The following IQGAP1 variants were observed in gnomAD, a reference collection of about 807,000 sequenced individuals.
IQGAP1 encodes IQ motif containing GTPase activating protein 1, also known as ras GTPase-activating-like protein IQGAP1.
Under a neutral mutation model 215.6 loss-of-function variants are expected in IQGAP1, and 66 were observed. That is an observed-to-expected ratio of 0.31 (90% CI 0.25 to 0.38). The LOEUF is 0.38. Ranked by LOEUF, IQGAP1 falls within the 10% of genes least tolerant of loss-of-function variation. IQGAP1 has a pLI of 1.00. For missense variants in IQGAP1, 1,712 were observed against 1,997.1 expected (o/e 0.86, Z 2.72); for synonymous variants, 772 against 728.7 (o/e 1.06, Z -0.96).
At chr15:90,486,839 G>A in intron 31 of IQGAP1, 115 bp from the exon 32 acceptor site, 1 of 1,035,664 alleles carries the variant, frequency 9.7e-7, no homozygotes, top group Non-Finnish European at 1.4e-6. Flanking sequence ...CACACTGTAT[G>A]TGTTAGGTGA....
chr15:90,444,289 A>ATATAT (rs1555437805), intron 9 of IQGAP1, among the ~76,000 whole-genome samples: 3 of 117,416 alleles, frequency 2.6e-5, no homozygotes, highest in African/African-American at 7.3e-5. Flanking sequence ...GTATATATAT[A>ATATAT]TTTTTTTTTT....
intron 17 of IQGAP1, among the ~76,000 whole-genome samples, chr15:90,467,089 C>G (rs773381726): frequency 9.3e-5 from 14 of 151,100 alleles, no homozygotes; most frequent in Non-Finnish European, 2.1e-4. Context: ...AAGACTCTGT[C>G]TGAAAAAAAA....
chr15:90,491,438 C>T lies in IQGAP1; in HGVS notation c.4354C>T (p.Leu1452Phe). 6.2e-7 allele frequency: 1 copy of T among 1,614,108 alleles called. No homozygotes were observed. The highest frequency in any genetic ancestry group is 8.5e-7 in the Non-Finnish European group (1 of 1,180,000). The change falls in exon 34 of 38, where the codon CTT becomes TTT. Residue 1452 changes from leucine (L) to phenylalanine (F), a missense_variant. Leu to Phe is a conservative substitution (Grantham distance 22). Coordinates refer to ENST00000268182, the MANE Select transcript of IQGAP1 (RefSeq NM_003870.4). ...KSVKEDSNLT[L>F]QEKKEKIQTG... ...TGTAAAGGAAGACAGCAACCTCACT[C>T]TTCAAGAGAAGAAAGAGAAGATCCA...
intron 3 of IQGAP1, 102 bp downstream of exon 3, chr15:90,426,368 T>C (rs1048251342): frequency 7.7e-7 from 1 of 1,298,084 alleles, no homozygotes; most frequent in Admixed American, 2.6e-5. Flanking sequence ...TAAGGTGTGT[T>C]TGTTGCAACA....
chr15:90,451,530 C>G (rs971520581), intron 11 of IQGAP1, among the ~76,000 whole-genome samples: 2 of 152,132 alleles, frequency 1.3e-5, no homozygotes, highest in Non-Finnish European at 2.9e-5. Context: ...ATGAGAATGG[C>G]ACAAAGCCGT....
At chr15:90,481,788 C>G (rs1033626123) in intron 26 of IQGAP1, among the ~76,000 whole-genome samples, 172 bp from the exon 27 acceptor site, 28 of 152,244 alleles carry the variant, frequency 1.8e-4, no homozygotes, top group African/African-American at 6.0e-4. Context: ...ACCTGATTCA[C>G]AGTTAAAAAC....
At chr15:90,392,576 G>A (rs1964649772) in intron 2 of IQGAP1, among the ~76,000 whole-genome samples, 1 of 151,978 alleles carries the variant, frequency 6.6e-6, no homozygotes, top group African/African-American at 2.4e-5. Flanking sequence ...TGAATTTCTT[G>A]AATAAAATTC....
chr15:90,419,717 AG>A (rs1479432154), intron 2 of IQGAP1, among the ~76,000 whole-genome samples: 1 of 152,236 alleles, frequency 6.6e-6, no homozygotes, highest in Non-Finnish European at 1.5e-5. Context: ...AAAGTTTAGC[AG>A]CTCTATATTC....
At chr15:90,415,623 C>CA (rs1447750824) in intron 2 of IQGAP1, among the ~76,000 whole-genome samples, 1 of 152,314 alleles carries the variant, frequency 6.6e-6, no homozygotes, top group East Asian at 1.9e-4. Context: ...CCTGCCTTTT[C>CA]AGTCATCTGT....
intron 4 of IQGAP1, among the ~76,000 whole-genome samples, chr15:90,431,657 A>G (rs888174714): frequency 6.7e-6 from 1 of 149,612 alleles, no homozygotes; most frequent in Non-Finnish European, 1.5e-5. Flanking sequence ...CTTGATAATC[A>G]TGGCTGTAAG....
intron 35 of IQGAP1, among the ~76,000 whole-genome samples, chr15:90,493,844 T>C (rs996880484): frequency 6.6e-6 from 1 of 152,226 alleles, no homozygotes; most frequent in African/African-American, 2.4e-5. Context: ...ACAAGATGTT[T>C]CATGTTCAAC....
chr15:90,439,256 T>C (rs1325138520), intron 5 of IQGAP1, 76 bp from the exon 6 acceptor site: 1 of 1,001,314 alleles, frequency 1.0e-6, no homozygotes, highest in Non-Finnish European at 1.6e-6. Flanking sequence ...TTATACTTCA[T>C]GCTGATTTTC....
chr15:90,491,330 T>A lies in IQGAP1; in HGVS notation c.4249-3T>A. On this transcript the variant is annotated splice_polypyrimidine_tract_variant and splice_region_variant and intron_variant, in intron 33 of 37. Coordinates refer to ENST00000268182, the MANE Select transcript of IQGAP1 (RefSeq NM_003870.4). ...GCTAAGAACTTCTTTTTCCCATCCG[T>A]AGGAAGCAGAACATCAGAGAGCCAT... 1 of 1,613,422 alleles carries A rather than the reference T, an allele frequency of 6.2e-7. No individual in the cohort carries two copies. Among genetic ancestry groups the A allele is most frequent in the South Asian group, 1.1e-5 (1 of 91,050 alleles).
chr15:90,467,091 GA>G (rs922402575), intron 17 of IQGAP1, among the ~76,000 whole-genome samples: 8 of 149,064 alleles, frequency 5.4e-5, no homozygotes, highest in Admixed American at 2.7e-4. Context: ...GACTCTGTCT[GA>G]AAAAAAAAAT....
intron 2 of IQGAP1, among the ~76,000 whole-genome samples, chr15:90,408,479 T>C (rs1488477961): frequency 6.6e-6 from 1 of 152,178 alleles, no homozygotes; most frequent in Non-Finnish European, 1.5e-5. Context: ...AAATAACTAT[T>C]AGGCGATAAA....
intron 2 of IQGAP1, among the ~76,000 whole-genome samples, chr15:90,400,585 C>T (rs1964791111): frequency 6.6e-6 from 1 of 152,074 alleles, no homozygotes; most frequent in South Asian, 2.1e-4. Context: ...CATGAAAAAC[C>T]AGTGTTAATC....
chr15:90,488,539 T>C (rs1007476400), intron 33 of IQGAP1, among the ~76,000 whole-genome samples: 1 of 152,194 alleles, frequency 6.6e-6, no homozygotes, highest in African/African-American at 2.4e-5. Context: ...AGAATGTGGC[T>C]CCTAAACTCA....
chr15:90,454,805 T>C (rs1288472995), intron 14 of IQGAP1, among the ~76,000 whole-genome samples: 6 of 152,230 alleles, frequency 3.9e-5, no homozygotes, highest in East Asian at 3.8e-4. Flanking sequence ...AATGCTGTTA[T>C]AACAAGTAGT....
At chr15:90,429,689 T>C in intron 4 of IQGAP1, 23 bp downstream of exon 4, 2 of 1,497,334 alleles carry the variant, frequency 1.3e-6, no homozygotes. Flanking sequence ...AGATAATAGT[T>C]TAGGCTTTGT....
Sources: allele counts gnomAD v4.1 joint callset (sites outside exome capture counted in the v4.1 genomes callset), GRCh38; gene constraint gnomAD v4.1.1; transcripts MANE v1.5; gene names NCBI Gene and HGNC (gene_info 2026-07-23, HGNC 2026-07-21).